Variants in NXPE2 observed in about 807,000 individuals in gnomAD.
NXPE2 encodes neurexophilin and PC-esterase domain family member 2.
A neutral mutation model predicts 34.4 loss-of-function variants in NXPE2; 34 were observed. The observed-to-expected ratio is 0.99, with a 90% CI of 0.75 to 1.31. NXPE2 has a LOEUF of 1.31. NXPE2 is among the 40% of genes most tolerant of loss of function. The pLI is 0.00. For synonymous variants in NXPE2, 235 were observed against 231.3 expected (o/e 1.02, Z -0.15); for missense variants, 649 against 672.5 (o/e 0.97, Z 0.39).
the NXPE2 span, among the ~76,000 whole-genome samples, chr11:114,743,537 A>C: frequency 1.3e-5 from 2 of 151,202 alleles, no homozygotes; most frequent in Admixed American, 6.6e-5. Flanking sequence ...TTTTATGTAC[A>C]GCTTTAGAAT....
At chr11:114,691,745 T>C (rs957049133) in intron 2 of NXPE2, among the ~76,000 whole-genome samples, 1 of 152,232 alleles carries the variant, frequency 6.6e-6, no homozygotes, top group Admixed American at 6.5e-5. Flanking sequence ...GCTTGCATTT[T>C]CTTTGACCCA....
intron 2 of NXPE2, among the ~76,000 whole-genome samples, chr11:114,690,900 T>A (rs2135548008): frequency 6.6e-6 from 1 of 152,176 alleles, no homozygotes; most frequent in East Asian, 1.9e-4. Context: ...ATTTTAAAAT[T>A]CCTATAGTCA....
chr11:114,684,042 A>G (rs897131375), intron 2 of NXPE2, among the ~76,000 whole-genome samples: 1 of 152,186 alleles, frequency 6.6e-6, no homozygotes, highest in Non-Finnish European at 1.5e-5. Context: ...GGGTTTAGGT[A>G]TGAATAGTCT....
chr11:114,768,283 T>C, the NXPE2 span, among the ~76,000 whole-genome samples: 9 of 152,328 alleles, frequency 5.9e-5, no homozygotes, highest in East Asian at 1.3e-3. Context: ...TCTGTTTTGG[T>C]ACCAGTACCA....
the NXPE2 span, among the ~76,000 whole-genome samples, chr11:114,811,777 AG>A: frequency 1.3e-5 from 2 of 152,226 alleles, no homozygotes; most frequent in East Asian, 3.9e-4. Flanking sequence ...TGTGGTCACC[AG>A]TCGTAGGGCC....
chr11:114,641,598 T>C, the NXPE2 span, among the ~76,000 whole-genome samples: 2 of 151,986 alleles, frequency 1.3e-5, no homozygotes, highest in Middle Eastern at 3.4e-3. Context: ...AAGTCAAGAA[T>C]AGGAAGAGAA....
chr11:114,541,083 A>C, the NXPE2 span, among the ~76,000 whole-genome samples: 1 of 151,840 alleles, frequency 6.6e-6, no homozygotes, highest in Non-Finnish European at 1.5e-5. Context: ...CTGAGATGTG[A>C]TTTACTTATA....
chr11:114,762,650 T>C, the NXPE2 span, among the ~76,000 whole-genome samples: 17 of 152,322 alleles, frequency 1.1e-4, 1 homozygote, highest in African/African-American at 4.1e-4. Flanking sequence ...CAGAGGCTTC[T>C]CCCTGCTGGC....
At chr11:114,571,261 G>A in the NXPE2 span, 2 of 1,614,016 alleles carry the variant, frequency 1.2e-6, no homozygotes, top group South Asian at 2.2e-5. Context: ...GGTCTGAAAT[G>A]CTGGCCCAGG....
the NXPE2 span, among the ~76,000 whole-genome samples, chr11:114,630,380 C>T: frequency 6.6e-6 from 1 of 151,782 alleles, no homozygotes; most frequent in Admixed American, 6.6e-5. Context: ...ATTTCTACAA[C>T]TATCTGATCT....
intron 3 of NXPE2, among the ~76,000 whole-genome samples, chr11:114,699,119 T>C (rs1010037222): frequency 2.0e-5 from 3 of 152,166 alleles, no homozygotes; most frequent in Admixed American, 1.3e-4. Context: ...ATAGATGCTG[T>C]ACAATAAAAA....
the NXPE2 span, among the ~76,000 whole-genome samples, chr11:114,665,417 CA>C: frequency 6.6e-6 from 1 of 152,174 alleles, no homozygotes; most frequent in Non-Finnish European, 1.5e-5. Context: ...AACCTGATTT[CA>C]ATCCCATTTT....
chr11:114,615,943 G>A, the NXPE2 span, among the ~76,000 whole-genome samples: 2 of 151,576 alleles, frequency 1.3e-5, no homozygotes, highest in African/African-American at 2.4e-5. Context: ...CGACTTATGG[G>A]TAACCACTGT....
At chr11:114,623,913 C>T in the NXPE2 span, among the ~76,000 whole-genome samples, 2 of 150,334 alleles carry the variant, frequency 1.3e-5, no homozygotes, top group Non-Finnish European at 3.0e-5. Flanking sequence ...GTAATCATTG[C>T]TACCCAGTGG....
the NXPE2 span, among the ~76,000 whole-genome samples, chr11:114,663,696 A>ATCTATCTATCTG: frequency 3.5e-4 from 53 of 151,158 alleles, 1 homozygote; most frequent in Admixed American, 2.8e-3. Flanking sequence ...CTATCTATCT[A>ATCTATCTATCTG]TCTATCTATC....
At chr11:114,583,485 C>T in the NXPE2 span, 1 of 639,976 alleles carries the variant, frequency 1.6e-6, no homozygotes, top group Non-Finnish European at 3.0e-6. Flanking sequence ...TTCTTGTGCT[C>T]CATCTATCCA....
chr11:114,601,884 T>TAGTATATTATATTTATATATATTATATAA, the NXPE2 span, among the ~76,000 whole-genome samples: 1 of 15,796 alleles, frequency 6.3e-5, no homozygotes, highest in African/African-American at 5.9e-4. Context: ...TTATATATAA[T>TAGTATATTATATTTATATATATTATATAA]TATATATTAT....
At chr11:114,510,857 C>T in the NXPE2 span, among the ~76,000 whole-genome samples, 1 of 151,990 alleles carries the variant, frequency 6.6e-6, no homozygotes, top group Non-Finnish European at 1.5e-5. Flanking sequence ...TTTAGTAAAA[C>T]AAAAAATTTA....
At chr11:114,491,303 A>C in the NXPE2 span, among the ~76,000 whole-genome samples, 1 of 152,156 alleles carries the variant, frequency 6.6e-6, no homozygotes, top group Non-Finnish European at 1.5e-5. Flanking sequence ...CAAAGAATTC[A>C]AACAAATTTA....
Sources: gnomAD v4.1 joint callset for allele counts (sites outside exome capture counted in the v4.1 genomes callset) on GRCh38, gnomAD v4.1.1 for gene constraint, MANE v1.5 for transcripts, NCBI Gene and HGNC (gene_info 2026-07-23, HGNC 2026-07-21) for gene names.